TP53BP2: variants seen among roughly 807,000 people sequenced by gnomAD.
The protein encoded by TP53BP2 is apoptosis-stimulating of p53 protein 2.
In TP53BP2, 62 loss-of-function variants were observed where a neutral mutation model predicts 126.2. The observed-to-expected ratio is 0.49, with a 90% CI of 0.40 to 0.61. TP53BP2 has a LOEUF of 0.61. Ranked by LOEUF, TP53BP2 falls within the 20% of genes least tolerant of loss-of-function variation. The pLI, the probability that TP53BP2 is intolerant of heterozygous loss-of-function variation, is 0.00. For missense variants in TP53BP2, 1,215 were observed against 1,402.8 expected (o/e 0.87, Z 2.14); for synonymous variants, 485 against 502.9 (o/e 0.96, Z 0.48).
At chr1:223,836,896 G>T (rs1175206200) in intron 1 of TP53BP2, among the ~76,000 whole-genome samples, 1 of 151,930 alleles carries the variant, frequency 6.6e-6, no homozygotes, top group Non-Finnish European at 1.5e-5. Context: ...ACCAGAGAAA[G>T]ATCCTATCTA....
At chr1:223,786,668 G>T (rs1370900197) in intron 16 of TP53BP2, among the ~76,000 whole-genome samples, 1 of 148,988 alleles carries the variant, frequency 6.7e-6, no homozygotes, top group Admixed American at 6.7e-5. Context: ...GTGCAGTGGC[G>T]TGATCTCAGC....
chr1:223,788,873 T>C (rs774458099), intron 16 of TP53BP2, 135 bp downstream of exon 16: 134 of 798,704 alleles, frequency 1.7e-4, no homozygotes, highest in Non-Finnish European at 2.5e-4. Context: ...TGACCAAGGC[T>C]GTTGTATTTT....
intron 1 of TP53BP2, among the ~76,000 whole-genome samples, chr1:223,842,796 C>T (rs1538140): frequency 0.31 from 46,450 of 152,168 alleles, 10,434 homozygotes; most frequent in African/African-American, 0.64. Flanking sequence ...CCTCCCTTTA[C>T]ATGAAAATCA....
intron 1 of TP53BP2, chr1:223,821,577 C>G: frequency 1.4e-6 from 1 of 720,854 alleles, no homozygotes; most frequent in Non-Finnish European, 2.5e-6. Context: ...AGCTCTAGAA[C>G]CCTTGGTGAC....
At chr1:223,840,010 C>A (rs1165584171) in intron 1 of TP53BP2, among the ~76,000 whole-genome samples, 3 of 151,988 alleles carry the variant, frequency 2.0e-5, no homozygotes, top group African/African-American at 4.8e-5. Context: ...AAATCTGGTT[C>A]GATTATCATC....
chr1:223,786,931 T>C (rs1661989661), intron 16 of TP53BP2, among the ~76,000 whole-genome samples: 1 of 142,726 alleles, frequency 7.0e-6, no homozygotes, highest in African/African-American at 2.6e-5. Flanking sequence ...AGTTTCACTC[T>C]TGTTGCCCAG....
chr1:223,837,056 G>A (rs539439586), intron 1 of TP53BP2, among the ~76,000 whole-genome samples: 3 of 147,652 alleles, frequency 2.0e-5, no homozygotes, highest in South Asian at 2.1e-4. Context: ...CAAAGAGACC[G>A]TTCTAGAATT....
chr1:223,795,300 C>T (rs1000717116), intron 13 of TP53BP2, among the ~76,000 whole-genome samples: 6 of 152,210 alleles, frequency 3.9e-5, no homozygotes, highest in African/African-American at 1.2e-4. Flanking sequence ...GGCCCCTCAG[C>T]CCAGTTACCC....
chr1:223,782,092 T>C (rs963127194), intron 17 of TP53BP2, among the ~76,000 whole-genome samples: 8 of 152,226 alleles, frequency 5.3e-5, no homozygotes, highest in Admixed American at 3.9e-4. Flanking sequence ...ACTTGGTGAC[T>C]ATAATTAATA....
chr1:223,802,302 G>A lies in TP53BP2; in HGVS notation c.1039C>T (p.Pro347Ser). 1 of 1,614,164 alleles carries A rather than the reference G, an allele frequency of 6.2e-7. No individual in the cohort carries two copies. Among genetic ancestry groups the A allele is most frequent in the Non-Finnish European group, 8.5e-7 (1 of 1,180,020 alleles). The change falls in exon 9 of 18, where the codon CCA (proline) becomes TCA (serine). Residue 347 changes from proline to serine, a missense_variant. Coordinates refer to ENST00000343537, the MANE Select transcript of TP53BP2 (RefSeq NM_001031685.3). Reference protein sequence around the residue: ...GNLPQQAASAPSRVAAVGPYI... With the variant: ...GNLPQQAASASSRVAAVGPYI... Reference sequence around the variant, plus strand: ...GGACCTACTGCAGCCACACGGCTTGGGGCTGACGCGGCTTGCTGGGGAAGA... The same window carrying A: ...GGACCTACTGCAGCCACACGGCTTGAGGCTGACGCGGCTTGCTGGGGAAGA...
intron 4 of TP53BP2, among the ~76,000 whole-genome samples, chr1:223,807,279 T>C (rs775731230): frequency 6.6e-6 from 1 of 152,186 alleles, no homozygotes; most frequent in East Asian, 1.9e-4. Flanking sequence ...ACAGAAGTGT[T>C]TGATCATATT....
chr1:223,837,155 A>AGGGGGG (rs139243545), intron 1 of TP53BP2, among the ~76,000 whole-genome samples: 15 of 76,612 alleles, frequency 2.0e-4, no homozygotes, highest in Admixed American at 3.9e-4. Context: ...TAAAAAAAAA[A>AGGGGGG]GGGGGGGGGC....
At position 223,800,823 on chromosome 1, in the gene TP53BP2, A is replaced by T. The variant is rs1369513699; in HGVS notation, c.1226-13T>A. ...TGGATTTTAGAGCCTAAAATACAGA[A>T]AAGCAGCTACAAATAACTCAGCATT... On this transcript the variant is annotated splice_polypyrimidine_tract_variant and intron_variant, in intron 9 of 17. Transcript: ENST00000343537. 6.4e-7 allele frequency: 1 copy of T among 1,566,694 alleles called. No individual in the cohort carries two copies. Among genetic ancestry groups the T allele is most frequent in the Non-Finnish European group, 8.7e-7 (1 of 1,148,214 alleles).
chr1:223,831,761 A>T (rs557373989), intron 1 of TP53BP2, among the ~76,000 whole-genome samples: 10 of 71,538 alleles, frequency 1.4e-4, no homozygotes, highest in African/African-American at 7.2e-4. Context: ...AAGGAAAGAT[A>T]AAAAAAAAAA....
At chr1:223,827,549 C>T (rs1225377983) in intron 1 of TP53BP2, among the ~76,000 whole-genome samples, 2 of 152,086 alleles carry the variant, frequency 1.3e-5, no homozygotes, top group African/African-American at 2.4e-5. Flanking sequence ...TGTGTTCTGC[C>T]CTAACCCAAG....
intron 1 of TP53BP2, among the ~76,000 whole-genome samples, chr1:223,839,429 T>C (rs998378000): frequency 2.6e-5 from 4 of 152,316 alleles, no homozygotes; most frequent in Non-Finnish European, 4.4e-5. Context: ...CCCCTGCTTT[T>C]ACATATAAAT....
At chr1:223,837,163 G>GGGGGGGGA (rs1553264323) in intron 1 of TP53BP2, among the ~76,000 whole-genome samples, 2 of 124,814 alleles carry the variant, frequency 1.6e-5, no homozygotes, top group Non-Finnish European at 1.7e-5. Flanking sequence ...AAAGGGGGGG[G>GGGGGGGGA]GCGGGGGGTC....
At chr1:223,840,941 CAA>C (rs1226670346) in intron 1 of TP53BP2, among the ~76,000 whole-genome samples, 3 of 152,174 alleles carry the variant, frequency 2.0e-5, no homozygotes, top group Non-Finnish European at 4.4e-5. Flanking sequence ...CACAAGGCAA[CAA>C]AACTAACGCA....
chr1:223,810,570 A>G (rs1316505727), intron 3 of TP53BP2, 57 bp from the exon 4 acceptor site: 1 of 1,217,638 alleles, frequency 8.2e-7, no homozygotes, highest in Non-Finnish European at 1.2e-6. Context: ...ATATTTTAAG[A>G]ACCAGTTCAT....
Sources: allele counts gnomAD v4.1 joint callset (sites outside exome capture counted in the v4.1 genomes callset), GRCh38; gene constraint gnomAD v4.1.1; transcripts MANE v1.5; gene names NCBI Gene and HGNC (gene_info 2026-07-23, HGNC 2026-07-21).